Variants in ARRDC3 observed in about 807,000 individuals in gnomAD.
ARRDC3 encodes arrestin domain containing 3, also known as arrestin domain-containing protein 3.
In ARRDC3, 10 loss-of-function variants were observed where a neutral mutation model predicts 47.2. That is an observed-to-expected ratio of 0.21 (90% CI 0.13 to 0.36). The LOEUF is 0.36. Ranked by LOEUF, ARRDC3 falls within the 10% of genes least tolerant of loss-of-function variation. The pLI is 1.00. For missense variants in ARRDC3, 381 were observed against 503.6 expected (o/e 0.76, Z 2.33); for synonymous variants, 156 against 178.3 (o/e 0.87, Z 1.00).
At chr5:91,372,172 C>CA (rs1799193872) in intron 7 of ARRDC3, among the ~76,000 whole-genome samples, 1 of 152,024 alleles carries the variant, frequency 6.6e-6, no homozygotes. Flanking sequence ...CATAGAAAAG[C>CA]AAATTGTTGG....
chr5:91,382,046 C>G lies in ARRDC3; in HGVS notation c.280+767G>C, dbSNP rs1291964158. 2.0e-5 allele frequency among the ~76,000 whole-genome samples: 3 copies of G among 152,202 alleles called. No homozygotes were observed. In the South Asian group the frequency reaches 6.2e-4, roughly 31 times the overall value. ...TCTCTCTTCTAACCAAAAATCAAAT[C>G]CAGTGTGCCCTATACTTTTCAATTC... On this transcript the variant is annotated intron_variant, in intron 1 of 7. Coordinates refer to ENST00000265138, the MANE Select transcript of ARRDC3 (RefSeq NM_020801.4).
In ARRDC3 at chr5:91,370,648, A is replaced by T. The variant is rs1799148172; in HGVS notation, c.*752T>A. On this transcript the variant is annotated 3_prime_UTR_variant, in exon 8 of 8. Coordinates refer to ENST00000265138, the MANE Select transcript of ARRDC3 (RefSeq NM_020801.4). Reference sequence around the variant, plus strand: ...GGCAACAAATTCTTAAAAGAAACCAAGAAGGTATACAATCTTGACAGTCTC... The same window carrying T: ...GGCAACAAATTCTTAAAAGAAACCATGAAGGTATACAATCTTGACAGTCTC... The T allele has an allele frequency of 1.3e-5, 2 of 152,624 alleles. No homozygotes were observed. Among genetic ancestry groups the T allele is most frequent in the Non-Finnish European group, 2.9e-5 (2 of 68,022 alleles). 9.5% of individuals were successfully genotyped at this position (152,624 alleles called of 1,614,324 possible). A position where few individuals can be genotyped will look rare whatever the true frequency, so the allele number is the denominator to read the frequency against.
At chr5:91,379,927 T>C (rs1799403900) in intron 1 of ARRDC3, 1 of 152,164 alleles carries the variant, frequency 6.6e-6, no homozygotes, top group Admixed American at 6.5e-5. Context: ...CCATACAATT[T>C]TCCTCGTCCC....
Position 91,371,259 on chromosome 5 carries a change from G to T in ARRDC3, c.*141C>A. ...TGTAGGCTTCTAAAGCATGATCACT[G>T]GTTGTTTCATGTATTCGCCATTTTT... is the stretch of plus-strand genomic sequence containing the variant. On this transcript the variant is annotated 3_prime_UTR_variant, in exon 8 of 8. Coordinates refer to ENST00000265138, the MANE Select transcript of ARRDC3 (RefSeq NM_020801.4). 1 of 660,156 alleles carries T rather than the reference G, an allele frequency of 1.5e-6. No individual in the cohort carries two copies. The highest frequency in any genetic ancestry group is 1.9e-5 in the South Asian group (1 of 51,910). 40.9% of individuals were successfully genotyped at this position (660,156 alleles called of 1,614,324 possible). A position where few individuals can be genotyped will look rare whatever the true frequency, so the allele number is the denominator to read the frequency against.
At chr5:91,378,644 T>C (rs765678415) in intron 2 of ARRDC3, 50 bp downstream of exon 2, 6 of 1,029,610 alleles carry the variant, frequency 5.8e-6, no homozygotes, top group Middle Eastern at 2.5e-4. Flanking sequence ...TTTAAAATAA[T>C]GCTCTGATCA....
rs767515801 is a variant in ARRDC3 at position 91,371,008 on chromosome 5, G to GAAAAAAAAAAAAAAAA, written c.*376_*391dup. 11 of 77,680 alleles carry GAAAAAAAAAAAAAAAA rather than the reference G, an allele frequency of 1.4e-4. 2 individuals carry two copies. The highest frequency in any genetic ancestry group is 4.2e-4 in the African/African-American group (10 of 23,888). 4.8% of individuals were successfully genotyped at this position (77,680 alleles called of 1,614,324 possible). ...GAGTATCAAGAGTCTGGCAAAAATA[G>GAAAAAAAAAAAAAAAA]AAAAAAAAAAAAAAAAAAAAAGAAG... On this transcript the variant is annotated 3_prime_UTR_variant, in exon 8 of 8. Transcript: ENST00000265138.
In ARRDC3 at chr5:91,374,159, T is replaced by C; in HGVS notation, c.988A>G (p.Met330Val). ...GATAAACTGAGCCAGTTCATATTCA[T>C]GCTACACTGACTGCTTACACTTGAG... ...RTSSVSSQCS[M>V]NMNWLSLSLP... Residue 330 changes from methionine to valine, a missense_variant, in exon 6 of 8, where the codon ATG (methionine) becomes GTG (valine). Met to Val is a conservative substitution (Grantham distance 21). Coordinates refer to ENST00000265138, the MANE Select transcript of ARRDC3 (RefSeq NM_020801.4). 6.2e-7 allele frequency: 1 copy of C among 1,614,072 alleles called. No individual in the cohort carries two copies. The highest frequency in any genetic ancestry group is 8.5e-7 in the Non-Finnish European group (1 of 1,179,960).
intron 2 of ARRDC3, 83 bp from the exon 3 acceptor site, chr5:91,376,851 A>G: frequency 7.8e-7 from 1 of 1,288,618 alleles, no homozygotes; most frequent in Non-Finnish European, 1.0e-6. Context: ...AAGTGTTAAT[A>G]TATTGTATTG....
Position 91,383,303 on chromosome 5 carries a change from TCTC to T in ARRDC3, c.-214_-212del, listed in dbSNP as rs1799490394. ...TCCGCGCTCCCGCTCGTCTCAGTGG[TCTC>T]CTTACAAAGACGGGCGGCTAAAAGC... On this transcript the variant is annotated 5_prime_UTR_variant, in exon 1 of 8. Coordinates refer to ENST00000265138, the MANE Select transcript of ARRDC3 (RefSeq NM_020801.4). 3 of 511,218 alleles carry T rather than the reference TCTC, an allele frequency of 5.9e-6. No homozygotes were observed. Among genetic ancestry groups the T allele is most frequent in the Non-Finnish European group, 6.8e-6 (2 of 295,584 alleles). The allele number at this position is 511,218 out of a possible 1,614,324, so 31.7% of individuals were successfully genotyped here.
At chr5:91,375,647 G>A (rs1442395578) in intron 3 of ARRDC3, 34 bp from the exon 4 acceptor site, 1 of 1,414,182 alleles carries the variant, frequency 7.1e-7, no homozygotes, top group Non-Finnish European at 9.9e-7. Context: ...AAAGGTCAGT[G>A]TATGGATTGG....
At position 91,373,681 on chromosome 5, in the gene ARRDC3, T is replaced by TA. The variant is rs779335404; in HGVS notation, c.1188+2dup. 1.2e-6 allele frequency: 2 copies of TA among 1,612,898 alleles called. No homozygotes were observed. Among genetic ancestry groups the TA allele is most frequent in the South Asian group, 1.1e-5 (1 of 91,002 alleles). ...ATTTCATACTTAAGGAGTAGGTACTTACCTCTGAATAAAGAGGTGGAGGCA... is the reference window on the plus strand; with the variant it reads ...ATTTCATACTTAAGGAGTAGGTACTTAACCTCTGAATAAAGAGGTGGAGGCA... On this transcript the variant is annotated splice_region_variant and intron_variant, in intron 7 of 7. Coordinates refer to ENST00000265138, the MANE Select transcript of ARRDC3 (RefSeq NM_020801.4).
rs1799486000 is a variant in ARRDC3 at position 91,383,104 on chromosome 5, A to C, written c.-12T>G. 6.4e-7 allele frequency: 1 copy of C among 1,571,904 alleles called. No individual in the cohort carries two copies. The highest frequency in any genetic ancestry group is 8.6e-7 in the Non-Finnish European group (1 of 1,161,912). On this transcript the variant is annotated 5_prime_UTR_variant, in exon 1 of 8. In the 5' UTR this introduces an upstream ATG that the reference lacks. Coordinates refer to ENST00000265138, the MANE Select transcript of ARRDC3 (RefSeq NM_020801.4). ...TTTCCCAGCACCATGTTTATAACAA[A>C]ATCTATAAAAATATAATGTAAGACA...
At chr5:91,374,081 G>C (rs1799243165) in intron 6 of ARRDC3, 33 bp downstream of exon 6, 1 of 1,590,008 alleles carries the variant, frequency 6.3e-7, no homozygotes, top group South Asian at 1.1e-5. Flanking sequence ...ATAGTAGTAA[G>C]AGATTAAGCT....
chr5:91,379,243 T>C (rs542759473), intron 1 of ARRDC3, among the ~76,000 whole-genome samples: 1 of 120,992 alleles, frequency 8.3e-6, no homozygotes, highest in East Asian at 2.3e-4. Flanking sequence ...CAGATGTGAA[T>C]AGAATAGATA....
chr5:91,377,979 C>A (rs1230664185), intron 2 of ARRDC3, among the ~76,000 whole-genome samples: 1 of 152,028 alleles, frequency 6.6e-6, no homozygotes, highest in Non-Finnish European at 1.5e-5. Flanking sequence ...CCACAAGTGC[C>A]ATTTTGCAGG....
At position 91,368,858 on chromosome 5, in the gene ARRDC3, A is replaced by C. The variant is rs1035553798; in HGVS notation, c.*2542T>G. On this transcript the variant is annotated 3_prime_UTR_variant, in exon 8 of 8. Coordinates refer to ENST00000265138, the MANE Select transcript of ARRDC3 (RefSeq NM_020801.4). ...CATATTCAGCACCAAATAAAAAAGG[A>C]AAAAAAGAGAAATTACAAACAGCCA... 3.3e-5 allele frequency: 5 copies of C among 152,602 alleles called. No homozygotes were observed. Among genetic ancestry groups the C allele is most frequent in the Admixed American group, 2.0e-4 (3 of 15,262 alleles). 9.5% of individuals were successfully genotyped at this position (152,602 alleles called of 1,614,324 possible). A position where few individuals can be genotyped will look rare whatever the true frequency, so the allele number is the denominator to read the frequency against.
chr5:91,373,702 A>T lies in ARRDC3; in HGVS notation c.1170T>A (p.Pro390=). 6.2e-7 allele frequency: 1 copy of T among 1,613,852 alleles called. No individual in the cohort carries two copies. Among genetic ancestry groups the T allele is most frequent in the South Asian group, 1.1e-5 (1 of 91,062 alleles). The change falls in exon 7 of 8, where the codon CCT becomes CCA. Residue 390 remains proline, a synonymous_variant. Transcript: ENST00000265138. ...FAYIQEFRFL[P]PPLYSEIDPN... is the part of the protein sequence containing the mutation. ...TACTTACCTCTGAATAAAGAGGTGG[A>T]GGCAAGAATCGAAACTCCTGGATAT...
chr5:91,381,229 G>T (rs1039565439), intron 1 of ARRDC3, among the ~76,000 whole-genome samples: 3 of 151,826 alleles, frequency 2.0e-5, no homozygotes, highest in Non-Finnish European at 2.9e-5. Flanking sequence ...GGGGGTGCAG[G>T]GCATTTAGTT....
At chr5:91,376,428 C>T (rs1290548041) in intron 3 of ARRDC3, 193 bp downstream of exon 3, 3 of 537,814 alleles carry the variant, frequency 5.6e-6, no homozygotes, top group East Asian at 6.7e-5. Context: ...AGGTATACTA[C>T]AATGTCAAAA....
Sources: gnomAD v4.1 joint callset for allele counts (sites outside exome capture counted in the v4.1 genomes callset) on GRCh38, gnomAD v4.1.1 for gene constraint, MANE v1.5 for transcripts, NCBI Gene and HGNC (gene_info 2026-07-23, HGNC 2026-07-21) for gene names.